CDH13: variants seen among roughly 807,000 people sequenced by gnomAD.
CDH13 encodes the protein cadherin-13.
A neutral mutation model predicts 63.8 loss-of-function variants in CDH13; 24 were observed. That is an observed-to-expected ratio of 0.38 (90% confidence interval 0.27 to 0.53). CDH13 has a LOEUF of 0.53. CDH13 is among the 20% of genes least tolerant of loss of function. CDH13 has a pLI of 0.85. For missense variants in CDH13, 1,049 were observed against 903.1 expected, an observed-to-expected ratio of 1.16 and a Z score of -2.07; for synonymous variants, 503 against 355.3, an observed-to-expected ratio of 1.42 and a Z score of -4.67.
chr16:82,947,537 C>G (rs1904865066), intron 2 of CDH13, among the ~76,000 whole-genome samples: 1 of 151,862 alleles, frequency 6.6e-6, no homozygotes, highest in Non-Finnish European at 1.5e-5. Context: ...TTTGACACAT[C>G]TGCCTTAATT....
chr16:83,774,415 C>T (rs1170881481), intron 11 of CDH13, among the ~76,000 whole-genome samples: 1 of 152,114 alleles, frequency 6.6e-6, no homozygotes, highest in East Asian at 1.9e-4. Context: ...CTCTGCTGCC[C>T]AGGCTGGAGT....
intron 6 of CDH13, among the ~76,000 whole-genome samples, chr16:83,389,423 T>G (rs969515275): frequency 2.0e-5 from 3 of 152,202 alleles, no homozygotes; most frequent in Non-Finnish European, 4.4e-5. Flanking sequence ...ATTTTCCCAT[T>G]TGACCCCGAA....
At chr16:82,726,201 G>C (rs1193370443) in intron 1 of CDH13, among the ~76,000 whole-genome samples, 1 of 152,162 alleles carries the variant, frequency 6.6e-6, no homozygotes, top group African/African-American at 2.4e-5. Flanking sequence ...CAAATAGACT[G>C]GTTGACTGTA....
At chr16:83,057,437 C>A (rs924507220) in intron 3 of CDH13, among the ~76,000 whole-genome samples, 1 of 152,158 alleles carries the variant, frequency 6.6e-6, no homozygotes, top group Non-Finnish European at 1.5e-5. Flanking sequence ...ATTCACCAAA[C>A]TGTACACTTA....
intron 1 of CDH13, among the ~76,000 whole-genome samples, chr16:82,679,883 A>G (rs1411613809): frequency 6.6e-6 from 1 of 152,214 alleles, no homozygotes; most frequent in African/African-American, 2.4e-5. Flanking sequence ...AAGGAACCCT[A>G]TCTCATAAGA....
chr16:82,820,378 T>G (rs2037946346), intron 1 of CDH13, among the ~76,000 whole-genome samples: 1 of 152,184 alleles, frequency 6.6e-6, no homozygotes, highest in Non-Finnish European at 1.5e-5. Flanking sequence ...TCATGGATAT[T>G]AGCACATTTA....
intron 10 of CDH13, among the ~76,000 whole-genome samples, chr16:83,736,139 T>C (rs1046901265): frequency 2.0e-5 from 3 of 152,156 alleles, no homozygotes; most frequent in Non-Finnish European, 2.9e-5. Context: ...AGATTACCTA[T>C]AGGATCAGAC....
At chr16:82,757,514 GC>G (rs1169242705) in intron 1 of CDH13, among the ~76,000 whole-genome samples, 1 of 152,180 alleles carries the variant, frequency 6.6e-6, no homozygotes, top group Non-Finnish European at 1.5e-5. Flanking sequence ...TAGCTGCTCT[GC>G]CCAGAGGGCT....
intron 10 of CDH13, among the ~76,000 whole-genome samples, chr16:83,709,217 A>G (rs1226738988): frequency 6.6e-6 from 1 of 152,158 alleles, no homozygotes; most frequent in African/African-American, 2.4e-5. Flanking sequence ...TGAAGATTCT[A>G]AAAGGAACAC....
chr16:83,779,437 A>AAAAAAAAC (rs1915360721), intron 11 of CDH13, among the ~76,000 whole-genome samples: 1 of 147,082 alleles, frequency 6.8e-6, no homozygotes, highest in Non-Finnish European at 1.5e-5. Context: ...AAAAAAAAAA[A>AAAAAAAAC]AGTCTTATAT....
chr16:83,480,599 C>T (rs2073737075), intron 6 of CDH13, among the ~76,000 whole-genome samples: 1 of 152,150 alleles, frequency 6.6e-6, no homozygotes, highest in African/African-American at 2.4e-5. Context: ...ACATTTGCAA[C>T]AATTCTCACA....
intron 4 of CDH13, among the ~76,000 whole-genome samples, chr16:83,132,210 C>G (rs950443898): frequency 6.6e-6 from 1 of 152,070 alleles, no homozygotes; most frequent in African/African-American, 2.4e-5. Flanking sequence ...TACTGAAGCC[C>G]CAGCACCTCT....
chr16:83,087,488 C>T (rs929742341), intron 3 of CDH13, among the ~76,000 whole-genome samples: 3 of 151,798 alleles, frequency 2.0e-5, no homozygotes, highest in Non-Finnish European at 2.9e-5. Flanking sequence ...CCCAACATGT[C>T]GAAACCCTGT....
intron 6 of CDH13, among the ~76,000 whole-genome samples, chr16:83,408,041 C>A (rs1427420749): frequency 6.6e-6 from 1 of 152,298 alleles, no homozygotes; most frequent in African/African-American, 2.4e-5. Flanking sequence ...GGCTGTGTCT[C>A]CTCCCAGCAG....
chr16:83,406,952 A>C (rs1210450150), intron 6 of CDH13, among the ~76,000 whole-genome samples: 3 of 152,238 alleles, frequency 2.0e-5, no homozygotes, highest in African/African-American at 7.2e-5. Flanking sequence ...GTTTATGACT[A>C]TTACATCATA....
intron 6 of CDH13, among the ~76,000 whole-genome samples, chr16:83,397,732 A>C (rs1298812862): frequency 6.6e-6 from 1 of 152,216 alleles, no homozygotes; most frequent in Non-Finnish European, 1.5e-5. Context: ...TTATCTCTGT[A>C]TCTCCTTGTC....
chr16:83,714,071 C>T (rs1430991276), intron 10 of CDH13, among the ~76,000 whole-genome samples: 2 of 152,204 alleles, frequency 1.3e-5, no homozygotes, highest in Non-Finnish European at 2.9e-5. Context: ...CCATCCAAAA[C>T]TCTGGGGCAG....
At chr16:83,718,399 A>T (rs1476176784) in intron 10 of CDH13, among the ~76,000 whole-genome samples, 1 of 152,230 alleles carries the variant, frequency 6.6e-6, no homozygotes, top group East Asian at 1.9e-4. Flanking sequence ...TTGCAAAGCA[A>T]AAAGTATACA....
At chr16:83,270,593 C>A (rs1455916557) in intron 5 of CDH13, among the ~76,000 whole-genome samples, 1 of 152,112 alleles carries the variant, frequency 6.6e-6, no homozygotes, top group Non-Finnish European at 1.5e-5. Context: ...AGGTGCAAGT[C>A]CACGAATGGA....
Sources: gnomAD v4.1 joint callset for allele counts (sites outside exome capture counted in the v4.1 genomes callset) on GRCh38, gnomAD v4.1.1 for gene constraint, MANE v1.5 for transcripts, NCBI Gene and HGNC (gene_info 2026-07-23, HGNC 2026-07-21) for gene names.